SUMF1: variants seen among roughly 807,000 people sequenced by gnomAD.
The protein encoded by SUMF1 is sulfatase modifying factor 1, also known as formylglycine-generating enzyme.
A neutral mutation model predicts 47.6 loss-of-function variants in SUMF1; 48 were observed. That is an observed-to-expected ratio of 1.01 (90% CI 0.80 to 1.28). The LOEUF (loss-of-function observed/expected upper bound fraction) is 1.28, where lower values mean the gene tolerates loss of function less well. Ranked by LOEUF, SUMF1 falls within the 50% of genes most tolerant of loss-of-function variation. The probability of loss-of-function intolerance (pLI) is 0.00; values close to 1 mark genes in which losing one functional copy is unlikely to be tolerated. For missense variants in SUMF1, 571 were observed against 485.4 expected (o/e 1.18, Z -1.66); for synonymous variants, 230 against 192.1 (o/e 1.20, Z -1.63).
chr3:4,134,050 A>T (rs1693859275), intron 8 of SUMF1, among the ~76,000 whole-genome samples: 1 of 152,126 alleles, frequency 6.6e-6, no homozygotes, highest in African/African-American at 2.4e-5. Context: ...TCAACATTAG[A>T]CAGATCAACG....
At chr3:4,351,244 C>A (rs1413585220) in intron 8 of SUMF1, among the ~76,000 whole-genome samples, 1 of 152,100 alleles carries the variant, frequency 6.6e-6, no homozygotes, top group Non-Finnish European at 1.5e-5. Flanking sequence ...TGCTCTGAAT[C>A]AAATTTTTAC....
At chr3:4,083,528 T>G (rs750519755) in intron 8 of SUMF1, among the ~76,000 whole-genome samples, 6 of 152,178 alleles carry the variant, frequency 3.9e-5, no homozygotes, top group African/African-American at 1.4e-4. Flanking sequence ...AAAGTCTATG[T>G]GTCTTGTTAC....
At chr3:4,364,975 A>G (rs576193644) in intron 8 of SUMF1, among the ~76,000 whole-genome samples, 2 of 151,918 alleles carry the variant, frequency 1.3e-5, no homozygotes, top group African/African-American at 2.4e-5. Flanking sequence ...CCTTCATTTC[A>G]TTATGTACCC....
Position 4,228,413 on chromosome 3 carries a change from G to C in SUMF1, c.1014+147917C>G, listed in dbSNP as rs141486625. ...TAGAAAAAAAAGCACACATCCTCTG[G>C]TAGCAGATGGCAAGTGACAGAATAC... On this transcript the variant is annotated intron_variant and NMD_transcript_variant, in intron 8 of 12. Transcript: ENST00000448413. Among the ~76,000 whole-genome samples the C allele has an allele frequency of 1.9e-3, 295 of 151,772 alleles. 2 individuals are homozygous for C. Among genetic ancestry groups the C allele is most frequent in the Admixed American group, 4.8e-3 (73 of 15,134 alleles).
At chr3:4,100,994 T>A (rs1693018907) in intron 8 of SUMF1, among the ~76,000 whole-genome samples, 1 of 151,988 alleles carries the variant, frequency 6.6e-6, no homozygotes, top group Non-Finnish European at 1.5e-5. Flanking sequence ...ATTAAAAAGA[T>A]AAAATATAAC....
In SUMF1 at chr3:4,144,319, G is replaced by A. The variant is rs187213771; in HGVS notation, c.1015-75574C>T. 2.8e-3 allele frequency among the ~76,000 whole-genome samples: 430 copies of A among 152,160 alleles called. 2 individuals are homozygous for A. The highest frequency in any genetic ancestry group is 1.0e-2 in the African/African-American group (414 of 41,494). On this transcript the variant is annotated intron_variant and NMD_transcript_variant, in intron 8 of 12. Transcript: ENST00000448413. ...GAAACAAGGCCAAAGAAAAGAATAA[G>A]TATGTGGCAGATGAGAAAAGAGGTG...
At chr3:4,296,810 G>A (rs565480011) in intron 8 of SUMF1, among the ~76,000 whole-genome samples, 25 of 152,108 alleles carry the variant, frequency 1.6e-4, no homozygotes, top group African/African-American at 5.8e-4. Flanking sequence ...CATTATAAAT[G>A]TTCACAGTAC....
chr3:4,312,864 C>T (rs1347476227), intron 8 of SUMF1: 13 of 1,558,120 alleles, frequency 8.3e-6, no homozygotes, highest in Non-Finnish European at 1.0e-5. Context: ...ATATGACATG[C>T]CGTGCTGACT....
At chr3:4,048,799 C>G (rs1033549689) in intron 9 of SUMF1, among the ~76,000 whole-genome samples, 1 of 152,058 alleles carries the variant, frequency 6.6e-6, no homozygotes, top group African/African-American at 2.4e-5. Context: ...TAAATAGAGC[C>G]CTTCCCTGCT....
intron 8 of SUMF1, among the ~76,000 whole-genome samples, chr3:4,251,886 G>A (rs558598764): frequency 7.9e-5 from 12 of 152,274 alleles, no homozygotes; most frequent in African/African-American, 2.9e-4. Context: ...ATTTTAGTAA[G>A]CTATCTACAT....
chr3:4,260,266 T>A (rs1697057275), intron 8 of SUMF1, among the ~76,000 whole-genome samples: 1 of 139,866 alleles, frequency 7.1e-6, no homozygotes. Context: ...AAATATCCGT[T>A]CTATAAAAGA....
chr3:4,135,187 C>A (rs1313686659), intron 8 of SUMF1, among the ~76,000 whole-genome samples: 1 of 152,090 alleles, frequency 6.6e-6, no homozygotes, highest in African/African-American at 2.4e-5. Context: ...AAAATTTAGA[C>A]CAATATCCTT....
At chr3:4,231,767 T>C (rs1339659490) in intron 8 of SUMF1, among the ~76,000 whole-genome samples, 1 of 152,116 alleles carries the variant, frequency 6.6e-6, no homozygotes, top group Admixed American at 6.6e-5. Flanking sequence ...AGAAGAATCT[T>C]GGCAATGGGA....
chr3:4,215,124 C>T lies in SUMF1; in HGVS notation c.1015-146379G>A, dbSNP rs944000098. On this transcript the variant is annotated intron_variant and NMD_transcript_variant, in intron 8 of 12. Coordinates refer to the SUMF1 transcript ENST00000448413. ...GAAAATTTCAGGCCAATATCCCTGA[C>T]GAACATCGATGCAAAAATCCTCAAT... 3.3e-5 allele frequency among the ~76,000 whole-genome samples: 5 copies of T among 152,154 alleles called. No individual in the cohort carries two copies. In the South Asian group the frequency reaches 6.2e-4, roughly 19 times the overall value.
chr3:4,193,733 G>A (rs946744504), intron 8 of SUMF1, among the ~76,000 whole-genome samples: 4 of 152,094 alleles, frequency 2.6e-5, no homozygotes, highest in Non-Finnish European at 5.9e-5. Flanking sequence ...TGTGGTTTGA[G>A]TTAAACTTAT....
At chr3:4,356,938 G>C (rs1028854694), downstream of SUMF1, among the ~76,000 whole-genome samples, 1 of 152,138 alleles carries the variant, frequency 6.6e-6, no homozygotes, top group African/African-American at 2.4e-5. Context: ...CCTAAATCTA[G>C]TGATTTATTT....
intron 8 of SUMF1, among the ~76,000 whole-genome samples, chr3:4,186,900 A>G (rs1047542103): frequency 1.3e-5 from 2 of 152,132 alleles, no homozygotes; most frequent in African/African-American, 4.8e-5. Flanking sequence ...GGTTCCAGTA[A>G]AAGTTTAGAT....
chr3:4,172,114 G>A (rs1694844743), intron 8 of SUMF1, among the ~76,000 whole-genome samples: 1 of 152,120 alleles, frequency 6.6e-6, no homozygotes, highest in Non-Finnish European at 1.5e-5. Flanking sequence ...ATGCAAGTAG[G>A]GGGATGGAAC....
At chr3:4,168,092 T>C (rs1261362986) in intron 8 of SUMF1, among the ~76,000 whole-genome samples, 2 of 152,126 alleles carry the variant, frequency 1.3e-5, no homozygotes, top group African/African-American at 4.8e-5. Flanking sequence ...AGAGCCTCTA[T>C]TTTCAGGGAG....
Sources: allele counts gnomAD v4.1 joint callset (sites outside exome capture counted in the v4.1 genomes callset), GRCh38; gene constraint gnomAD v4.1.1; transcripts MANE v1.5; gene names NCBI Gene and HGNC (gene_info 2026-07-23, HGNC 2026-07-21).